The following CYP4F12 variants were observed in gnomAD, a reference collection of about 807,000 sequenced individuals.
The protein encoded by CYP4F12 is cytochrome P450 family 4 subfamily F member 12.
Under a neutral mutation model 56.5 loss-of-function variants are expected in CYP4F12, and 60 were observed. The observed-to-expected ratio is 1.06, with a 90% CI of 0.86 to 1.32. The LOEUF is 1.32. Among genes scored for constraint, CYP4F12 ranks in the 40% most tolerant of loss-of-function variants. The probability of loss-of-function intolerance (pLI) is 0.00; values close to 1 mark genes in which losing one functional copy is unlikely to be tolerated. For missense variants in CYP4F12, 711 were observed against 683.5 expected (o/e 1.04, Z -0.45); for synonymous variants, 263 against 264.9 (o/e 0.99, Z 0.07).
intron 9 of CYP4F12, among the ~76,000 whole-genome samples, chr19:15,687,658 AG>A (rs1308279914): frequency 6.6e-6 from 1 of 152,172 alleles, no homozygotes. Context: ...TCAGAGTAAG[AG>A]GGGGAGAGAC....
chr19:15,678,778 C>T (rs1197608917), intron 3 of CYP4F12, among the ~76,000 whole-genome samples: 2 of 152,234 alleles, frequency 1.3e-5, no homozygotes, highest in South Asian at 4.2e-4. Context: ...ATGTCTAGAC[C>T]AATAAGTAGG....
chr19:15,697,127 A>G lies in CYP4F12; in HGVS notation c.*42A>G, dbSNP rs745962788. Reference sequence around the variant, plus strand: ...CCTGTTTTTTTGCAGATTGTCATGAATAAAACGGTGCTGTCACCTCTGCCT... The same window carrying G: ...CCTGTTTTTTTGCAGATTGTCATGAGTAAAACGGTGCTGTCACCTCTGCCT... On this transcript the variant is annotated 3_prime_UTR_variant, in exon 13 of 13. Transcript: ENST00000550308. The G allele has an allele frequency of 6.3e-7, 1 of 1,585,946 alleles. No individual in the cohort carries two copies. The highest frequency in any genetic ancestry group is 8.6e-7 in the Non-Finnish European group (1 of 1,161,214).
intron 7 of CYP4F12, 60 bp from the exon 8 acceptor site, chr19:15,684,756 T>TTTTGTG (rs1555751162): frequency 4.9e-5 from 51 of 1,044,568 alleles, no homozygotes; most frequent in Admixed American, 6.4e-5. Flanking sequence ...ATAGTATAAT[T>TTTTGTG]TGTGTGTGTG....
Position 15,673,660 on chromosome 19 carries a change from A to C in CYP4F12, c.131A>C (p.Asn44Thr). The C allele has an allele frequency of 6.2e-7, 1 of 1,614,014 alleles. No individual in the cohort carries two copies. Reference sequence around the variant, plus strand: ...GCTTGGACCTATGCCTTCTATAACAACTGCCGCCGGCTCCAGTGTTTCCCA... The same window carrying C: ...GCTTGGACCTATGCCTTCTATAACACCTGCCGCCGGCTCCAGTGTTTCCCA... Reference protein sequence around the residue: ...ILAWTYAFYNNCRRLQCFPQP... With the variant: ...ILAWTYAFYNTCRRLQCFPQP... The change falls in exon 2 of 13, where the codon AAC (asparagine) becomes ACC (threonine). Residue 44 changes from asparagine to threonine, a missense_variant. Transcript: ENST00000550308.
In CYP4F12 at chr19:15,697,011, A is replaced by G; in HGVS notation, c.1501A>G (p.Lys501Glu). Residue 501 changes from lysine (K) to glutamate (E), a missense_variant, in exon 13 of 13, where the codon AAG becomes GAG. By Grantham distance (56) the Lys-to-Glu change is moderately conservative (BLOSUM62 1). Transcript: ENST00000550308. ...FLPDHTEPRR[K>E]LELIMRAEGG... ...GCCAGACCACACTGAGCCCCGCAGG[A>G]AGCTGGAATTGATCATGCGCGCCGA... The G allele has an allele frequency of 6.2e-7, 1 of 1,614,218 alleles. No homozygotes were observed. Among genetic ancestry groups the G allele is most frequent in the Non-Finnish European group, 8.5e-7 (1 of 1,180,024 alleles).
rs762390194 is a variant in CYP4F12, at chr19:15,696,170, G to T, written c.1259G>T (p.Cys420Phe). 1.2e-6 allele frequency: 2 copies of T among 1,613,994 alleles called. No homozygotes were observed. Among genetic ancestry groups the T allele is most frequent in the Non-Finnish European group, 1.7e-6 (2 of 1,179,956 alleles). The change falls in exon 11 of 13, where the codon TGC (cysteine) becomes TTC (phenylalanine). Residue 420 changes from cysteine (C) to phenylalanine (F), a missense_variant. Transcript: ENST00000550308. ...DGRVIPKGITCLIDIIGVHHN... is the reference protein window; with the variant it reads ...DGRVIPKGITFLIDIIGVHHN... ...CCTTTCTCTCCCACAGGCATTACCT[G>T]CCTCATCGATATTATAGGGGTCCAT...
chr19:15,683,075 A>AGC (rs1319096940), intron 6 of CYP4F12, among the ~76,000 whole-genome samples: 2 of 147,252 alleles, frequency 1.4e-5, no homozygotes, highest in African/African-American at 5.0e-5. Context: ...AGAGGGAGAG[A>AGC]GAGAGAGACA....
At chr19:15,681,602 A>G (rs894457162) in intron 5 of CYP4F12, 3 of 152,254 alleles carry the variant, frequency 2.0e-5, no homozygotes, top group Admixed American at 1.3e-4. Flanking sequence ...TACAATGGGC[A>G]TTAGGCTTAG....
chr19:15,693,008 G>A (rs750948632), intron 9 of CYP4F12, among the ~76,000 whole-genome samples: 1 of 152,152 alleles, frequency 6.6e-6, no homozygotes, highest in African/African-American at 2.4e-5. Context: ...AACCAGGGAG[G>A]TGGAGGTTGC....
chr19:15,688,786 G>C (rs923463849), intron 9 of CYP4F12, among the ~76,000 whole-genome samples: 4 of 152,142 alleles, frequency 2.6e-5, no homozygotes, highest in African/African-American at 9.7e-5. Flanking sequence ...ACAGAAAGGA[G>C]GACCCAGAAA....
At chr19:15,675,248 G>A (rs1336448739) in intron 2 of CYP4F12, among the ~76,000 whole-genome samples, 1 of 77,020 alleles carries the variant, frequency 1.3e-5, no homozygotes, top group African/African-American at 4.9e-5. Context: ...TTTGGGGGAT[G>A]TGGCCTCTGT....
At chr19:15,682,329 C>G in intron 5 of CYP4F12, 60 bp from the exon 6 acceptor site, 1 of 1,596,602 alleles carries the variant, frequency 6.3e-7, no homozygotes, top group South Asian at 1.1e-5. Flanking sequence ...ATGTTTGGGA[C>G]TGGGGAGGGG....
chr19:15,675,721 C>T (rs1213954585), intron 2 of CYP4F12, among the ~76,000 whole-genome samples: 2 of 152,302 alleles, frequency 1.3e-5, no homozygotes, highest in East Asian at 3.9e-4. Context: ...CCCACTGCAG[C>T]TGCTGAGAAT....
In CYP4F12 at chr19:15,689,328, A is replaced by T. The variant is rs189556914; in HGVS notation, c.1115+4131A>T. ...ATGAACAGATAATTCTCAAAAGAAG[A>T]TACACAAACAGCCACGAAACATATG... On this transcript the variant is annotated intron_variant, in intron 9 of 12. Transcript: ENST00000550308. Among the ~76,000 whole-genome samples, 442 of 152,316 alleles carry T rather than the reference A, an allele frequency of 2.9e-3. 2 individuals are homozygous for T. Among genetic ancestry groups the T allele is most frequent in the Admixed American group, 4.4e-3 (67 of 15,288 alleles).
chr19:15,687,074 G>A lies in CYP4F12; in HGVS notation c.1115+1877G>A, dbSNP rs993024548. On this transcript the variant is annotated intron_variant, in intron 9 of 12. Transcript: ENST00000550308. ...GGGCGGATCACGAGGTCAGGAGATC[G>A]AGACCATCCTGGCTAACACGGTGAA... Among the ~76,000 whole-genome samples the A allele has an allele frequency of 1.9e-4, 29 of 152,216 alleles. 1 individual carries two copies. Among genetic ancestry groups the A allele is most frequent in the East Asian group, 1.9e-4 (1 of 5,182 alleles).
chr19:15,688,028 G>T (rs1219810879), intron 9 of CYP4F12, among the ~76,000 whole-genome samples: 3 of 152,174 alleles, frequency 2.0e-5, no homozygotes, highest in Non-Finnish European at 4.4e-5. Context: ...TCAGAAGCTG[G>T]GTGCCTGGCC....
Position 15,696,932 on chromosome 19 carries a change from C to A in CYP4F12, c.1422C>A (p.Ala474=). ...GPRNCIGQAF[A]MAEMKVVLAL... ...GGAACTGCATCGGGCAGGCGTTCGC[C>A]ATGGCGGAGATGAAAGTGGTCCTGG... Residue 474 remains alanine, a synonymous_variant, in exon 13 of 13, where the codon GCC becomes GCA. Coordinates refer to ENST00000550308, the MANE Select transcript of CYP4F12 (RefSeq NM_023944.4). The A allele has an allele frequency of 1.2e-6, 2 of 1,613,950 alleles. No individual in the cohort carries two copies. Among genetic ancestry groups the A allele is most frequent in the Non-Finnish European group, 1.7e-6 (2 of 1,179,912 alleles).
In CYP4F12 at chr19:15,678,519, T is replaced by C. The variant is rs2007110690; in HGVS notation, c.343+114T>C. The C allele has an allele frequency of 3.7e-6, 5 of 1,355,726 alleles. No homozygotes were observed. In the Admixed American group the frequency reaches 5.8e-5, roughly 16 times the overall value. The allele number at this position is 1,355,726 out of a possible 1,614,324, so 84.0% of individuals were successfully genotyped here. A position where few individuals can be genotyped will look rare whatever the true frequency, so the allele number is the denominator to read the frequency against. ...CCCCTCATTGAGACTTCCTTCTCAA[T>C]GTCTTCTCCCTCCATTGCCATCTGC... On this transcript the variant is annotated intron_variant, in intron 3 of 12. Transcript: ENST00000550308.
At chr19:15,692,535 A>T (rs1424490516) in intron 9 of CYP4F12, among the ~76,000 whole-genome samples, 1 of 152,140 alleles carries the variant, frequency 6.6e-6, no homozygotes, top group Non-Finnish European at 1.5e-5. Context: ...TATCAAGAGA[A>T]AAAATATAGA....
Sources: gnomAD v4.1 joint callset for allele counts (sites outside exome capture counted in the v4.1 genomes callset) on GRCh38, gnomAD v4.1.1 for gene constraint, MANE v1.5 for transcripts, NCBI Gene and HGNC (gene_info 2026-07-23, HGNC 2026-07-21) for gene names.